FATE1: variants seen among roughly 807,000 people sequenced by gnomAD.
FATE1 encodes fetal and adult testis-expressed transcript protein.
Under a neutral mutation model 16.0 loss-of-function variants are expected in FATE1, and 18 were observed. That is an observed-to-expected ratio of 1.12 (90% confidence interval 0.78 to 1.66). FATE1 has a LOEUF of 1.66. Among genes scored for constraint, FATE1 ranks in the 40% most tolerant of loss-of-function variants. The pLI, the probability that FATE1 is intolerant of heterozygous loss-of-function variation, is 0.00. For synonymous variants in FATE1, 76 were observed against 56.9 expected (o/e 1.34, Z -1.51); for missense variants, 169 against 152.7 (o/e 1.11, Z -0.56).
At chrX:151,717,075 C>T (rs918544205) in intron 1 of FATE1, among the ~76,000 whole-genome samples, 197 bp from the exon 2 acceptor site, 1 of 111,398 alleles carries the variant, frequency 9.0e-6, no homozygotes, top group Non-Finnish European at 1.9e-5. Context: ...CGAGCTCAGC[C>T]CTCAGGAAAT....
chrX:151,721,824 T>C, intron 3 of FATE1, 79 bp from the exon 4 acceptor site: 1 of 901,712 alleles, frequency 1.1e-6, no homozygotes, highest in South Asian at 2.1e-5. Flanking sequence ...CGACCTTACC[T>C]GCTTGACCTC....
rs772371725 is a variant in FATE1 at position 151,718,737 on chromosome X, C to T, written c.234+1338C>T. On this transcript the variant is annotated intron_variant, in intron 2 of 4. Transcript: ENST00000370350. ...TAGACCTGACTGTTTTAGGGAATCACGAATCCCATCATTCTGTAGCCAGTG... is the reference window on the plus strand; with the variant it reads ...TAGACCTGACTGTTTTAGGGAATCATGAATCCCATCATTCTGTAGCCAGTG... Among the ~76,000 whole-genome samples the T allele has an allele frequency of 1.2e-4, 14 of 112,167 alleles. No homozygotes were observed. In the South Asian group the frequency reaches 3.0e-3, roughly 24 times the overall value.
chrX:151,717,709 G>A (rs1430245325), intron 2 of FATE1, among the ~76,000 whole-genome samples: 5 of 107,195 alleles, frequency 4.7e-5, no homozygotes, highest in African/African-American at 1.8e-4. Flanking sequence ...AAAATTATGT[G>A]TGTGGTACGT....
chrX:151,720,596 T>A (rs1465318398), intron 2 of FATE1, among the ~76,000 whole-genome samples: 1 of 111,991 alleles, frequency 8.9e-6, no homozygotes, highest in African/African-American at 3.2e-5. Flanking sequence ...TTCCCCTACT[T>A]TCAAAACGGG....
chrX:151,721,249 C>T, intron 2 of FATE1, 146 bp from the exon 3 acceptor site: 2 of 504,048 alleles, frequency 4.0e-6, no homozygotes, highest in Non-Finnish European at 6.8e-6. Flanking sequence ...CCAAGCTTTC[C>T]TAGCGGCCTG....
At position 151,717,331 on chromosome X, in the gene FATE1, C is replaced by A; in HGVS notation, c.166C>A (p.Gln56Lys). 1 of 1,208,551 alleles carries A rather than the reference C, an allele frequency of 8.3e-7. No individual in the cohort carries two copies. The highest frequency in any genetic ancestry group is 1.1e-6 in the Non-Finnish European group (1 of 893,630). The change falls in exon 2 of 5, where the codon CAA becomes AAA. Residue 56 changes from glutamine (Q) to lysine (K), a missense_variant. Coordinates refer to ENST00000370350, the MANE Select transcript of FATE1 (RefSeq NM_033085.3). ...CTCCCAGAAGAAGCAGAAGTTGGAACAAAAAGCTGCTGGCTCTGCTTCAGC... is the reference window on the plus strand; with the variant it reads ...CTCCCAGAAGAAGCAGAAGTTGGAAAAAAAAGCTGCTGGCTCTGCTTCAGC... ...GASQKKQKLE[Q>K]KAAGSASAKR...
chrX:151,716,291 ATG>A, intron 1 of FATE1, 66 bp downstream of exon 1: 1 of 933,732 alleles, frequency 1.1e-6, no homozygotes, highest in South Asian at 2.5e-5. Context: ...ATACCTGTGC[ATG>A]TGTGTGTTGG....
intron 3 of FATE1, 130 bp from the exon 4 acceptor site, chrX:151,721,773 A>G: frequency 1.6e-6 from 1 of 613,393 alleles, no homozygotes; most frequent in Non-Finnish European, 2.7e-6. Flanking sequence ...TTACCATGGA[A>G]GAGGACTGGA....
rs780857408 is a variant in FATE1, at chrX:151,717,302, G to A, written c.137G>A (p.Gly46Asp). Residue 46 changes from glycine (G) to aspartate (D), a missense_variant, in exon 2 of 5, where the codon GGT becomes GAT. Gly to Asp is a moderately conservative substitution (Grantham distance 94, BLOSUM62 -1). Coordinates refer to ENST00000370350, the MANE Select transcript of FATE1 (RefSeq NM_033085.3). ...EMMELGSRSR[G>D]ASQKKQKLEQ... ...ATGGAGCTTGGATCTCGGTCCCGGG[G>A]TGCCTCCCAGAAGAAGCAGAAGTTG... The A allele has an allele frequency of 3.3e-6, 4 of 1,207,963 alleles. No individual in the cohort carries two copies. Among genetic ancestry groups the A allele is most frequent in the Non-Finnish European group, 4.5e-6 (4 of 893,098 alleles).
At chrX:151,718,223 G>T (rs1015226861) in intron 2 of FATE1, among the ~76,000 whole-genome samples, 1 of 109,526 alleles carries the variant, frequency 9.1e-6, no homozygotes, top group Non-Finnish European at 1.9e-5. Context: ...AAGGAAGAAA[G>T]AAAGAAAGAA....
At chrX:151,718,542 G>T (rs1283165354) in intron 2 of FATE1, among the ~76,000 whole-genome samples, 2 of 112,473 alleles carry the variant, frequency 1.8e-5, no homozygotes, top group East Asian at 2.8e-4. Flanking sequence ...TGCAAAGGCT[G>T]CTGGGAAAAG....
In FATE1 at chrX:151,717,258, G is replaced by C. The variant is rs753127743; in HGVS notation, c.107-14G>C. 32 of 1,199,027 alleles carry C rather than the reference G, an allele frequency of 2.7e-5. No homozygotes were observed. In the African/African-American group the frequency reaches 5.3e-4, roughly 20 times the overall value. On this transcript the variant is annotated splice_polypyrimidine_tract_variant and intron_variant, in intron 1 of 4. Transcript: ENST00000370350. ...TTCTATGGGTGCTCCTGGAGCTTCT[G>C]TTCTTCTCTCTAGAAATGATGGAGC...
Position 151,717,130 on chromosome X carries a change from C to T in FATE1, c.107-142C>T, listed in dbSNP as rs1040853852. 8.7e-6 allele frequency: 6 copies of T among 687,351 alleles called. No homozygotes were observed. The African/African-American group carries it at 1.1e-4, about 13-fold the overall frequency. The allele number at this position is 687,351 out of a possible 1,213,427, so 56.6% of individuals were successfully genotyped here. ...AGATGAACAAACTGAGACCTGGGAT[C>T]AGCTGATGGACAGTGGTTAATGGGT... On this transcript the variant is annotated intron_variant, in intron 1 of 4. Coordinates refer to ENST00000370350, the MANE Select transcript of FATE1 (RefSeq NM_033085.3).
intron 4 of FATE1, 145 bp from the exon 5 acceptor site, chrX:151,722,483 G>T: frequency 1.1e-6 from 1 of 873,766 alleles, no homozygotes; most frequent in Non-Finnish European, 1.6e-6. Context: ...CCAGCCTCCT[G>T]CTTCTCACTA....
chrX:151,721,470 A>G lies in FATE1; in HGVS notation c.310A>G (p.Asn104Asp), dbSNP rs1473239182. Residue 104 changes from asparagine to aspartate, a missense_variant, in exon 3 of 5, where the codon AAT becomes GAT. Coordinates refer to ENST00000370350, the MANE Select transcript of FATE1 (RefSeq NM_033085.3). ...TGCCCATCTCCAGGAGTACGCTGGC[A>G]ATTTCCAAGGCATACGTTTCCATTA... is the stretch of plus-strand genomic sequence containing the variant. ...GDAHLQEYAG[N>D]FQGIRFHYDR... The G allele has an allele frequency of 8.3e-7, 1 of 1,211,661 alleles. No individual in the cohort carries two copies. The highest frequency in any genetic ancestry group is 2.2e-5 in the Admixed American group (1 of 46,123).
rs58577481 is a variant in FATE1 at position 151,716,274 on chromosome X, C to A, written c.106+49C>A. On this transcript the variant is annotated intron_variant, in intron 1 of 4. Transcript: ENST00000370350. The stretch of plus-strand genomic sequence containing the variant: ...TAGGCTACAGCCAACTGTGTAGATA[C>A]GTGTCTATACCTGTGCATGTGTGTG... 0.014 allele frequency: 14,520 copies of A among 1,018,090 alleles called. 455 individuals carry two copies. The African/African-American group carries it at 0.14, about 10-fold the overall frequency. 83.9% of individuals were successfully genotyped at this position (1,018,090 alleles called of 1,213,427 possible).
Position 151,717,306 on chromosome X carries a change from C to T in FATE1, c.141C>T (p.Ala47=). The change falls in exon 2 of 5, where the codon GCC becomes GCT. Residue 47 remains alanine, a synonymous_variant. Coordinates refer to ENST00000370350, the MANE Select transcript of FATE1 (RefSeq NM_033085.3). ...AGCTTGGATCTCGGTCCCGGGGTGC[C>T]TCCCAGAAGAAGCAGAAGTTGGAAC... The part of the protein sequence containing the change: ...MMELGSRSRG[A]SQKKQKLEQK... 1 of 1,208,263 alleles carries T rather than the reference C, an allele frequency of 8.3e-7. No homozygotes were observed. The highest frequency in any genetic ancestry group is 1.1e-6 in the Non-Finnish European group (1 of 893,284).
chrX:151,717,299 G>A lies in FATE1; in HGVS notation c.134G>A (p.Arg45Gln), dbSNP rs202137219. ...AEMMELGSRSRGASQKKQKLE... is the reference protein window; with the variant it reads ...AEMMELGSRSQGASQKKQKLE... Reference sequence around the variant, plus strand: ...ATGATGGAGCTTGGATCTCGGTCCCGGGGTGCCTCCCAGAAGAAGCAGAAG... The same window carrying A: ...ATGATGGAGCTTGGATCTCGGTCCCAGGGTGCCTCCCAGAAGAAGCAGAAG... The change falls in exon 2 of 5, where the codon CGG becomes CAG. Residue 45 changes from arginine to glutamine, a missense_variant. Physicochemically the swap from Arg to Gln is conservative, Grantham distance 43. Coordinates refer to ENST00000370350, the MANE Select transcript of FATE1 (RefSeq NM_033085.3). 78 of 1,204,992 alleles carry A rather than the reference G, an allele frequency of 6.5e-5. No individual in the cohort carries two copies. The highest frequency in any genetic ancestry group is 2.6e-4 in the Admixed American group (12 of 45,601).
intron 1 of FATE1, among the ~76,000 whole-genome samples, chrX:151,716,862 G>T (rs2015065281): frequency 1.8e-5 from 2 of 110,868 alleles, no homozygotes; most frequent in South Asian, 7.8e-4. Context: ...ACTTTTCTAG[G>T]AGGAGCCCTT....
Sources: allele counts gnomAD v4.1 joint callset (sites outside exome capture counted in the v4.1 genomes callset), GRCh38; gene constraint gnomAD v4.1.1; transcripts MANE v1.5; gene names NCBI Gene and HGNC (gene_info 2026-07-23, HGNC 2026-07-21).